The following DDR2 variants were observed in gnomAD, a reference collection of about 807,000 sequenced individuals.
The protein encoded by DDR2 is discoidin domain receptor tyrosine kinase 2.
Under a neutral mutation model 94.9 loss-of-function variants are expected in DDR2, and 27 were observed. The observed-to-expected ratio is 0.28, with a 90% CI of 0.21 to 0.39. The LOEUF is 0.39. DDR2 is among the 10% of genes least tolerant of loss of function. The pLI is 1.00. For synonymous variants in DDR2, 382 were observed against 377.2 expected (o/e 1.01, Z -0.15); for missense variants, 783 against 1,076.0 (o/e 0.73, Z 3.81).
At chr1:162,736,412 G>T (rs183283954) in intron 3 of DDR2, among the ~76,000 whole-genome samples, 1 of 152,198 alleles carries the variant, frequency 6.6e-6, no homozygotes, top group Non-Finnish European at 1.5e-5. Context: ...ATTTTCAAGG[G>T]TTGTGTGCTC....
At chr1:162,689,195 C>A (rs1280499557) in intron 2 of DDR2, among the ~76,000 whole-genome samples, 1 of 152,166 alleles carries the variant, frequency 6.6e-6, no homozygotes, top group African/African-American at 2.4e-5. Flanking sequence ...GAGACAACAG[C>A]ACTCTGTCAT....
intron 14 of DDR2, among the ~76,000 whole-genome samples, chr1:162,774,998 C>T (rs1323213326): frequency 6.6e-6 from 1 of 152,128 alleles, no homozygotes; most frequent in Admixed American, 6.5e-5. Context: ...TACTTTATGA[C>T]CCAAGGGTGT....
rs7355060 is a variant in DDR2, at chr1:162,704,159, G to A, written c.-27-14878G>A. ...AAAAGATATTGGCAAATCTTTTATCGATTTTCTATTCTGGCAGAGGTACCA... is the reference window on the plus strand; with the variant it reads ...AAAAGATATTGGCAAATCTTTTATCAATTTTCTATTCTGGCAGAGGTACCA... On this transcript the variant is annotated intron_variant, in intron 2 of 17. Coordinates refer to ENST00000367921, the MANE Select transcript of DDR2 (RefSeq NM_006182.4). 5.1e-3 allele frequency among the ~76,000 whole-genome samples: 780 copies of A among 152,282 alleles called. 4 individuals are homozygous for A. Among genetic ancestry groups the A allele is most frequent in the African/African-American group, 0.018 (735 of 41,550 alleles).
chr1:162,754,479 G>A, intron 4 of DDR2, 145 bp from the exon 5 acceptor site: 2 of 770,394 alleles, frequency 2.6e-6, no homozygotes, highest in Non-Finnish European at 4.5e-6. Context: ...TGTGGTGGCA[G>A]TGAAAACTGT....
At chr1:162,671,570 C>G (rs910785526) in intron 2 of DDR2, among the ~76,000 whole-genome samples, 2 of 152,060 alleles carry the variant, frequency 1.3e-5, no homozygotes, top group Non-Finnish European at 2.9e-5. Flanking sequence ...CTTTCTGTGA[C>G]TCCCCTTTCC....
chr1:162,704,545 G>A (rs1660576438), intron 2 of DDR2, among the ~76,000 whole-genome samples: 2 of 152,146 alleles, frequency 1.3e-5, no homozygotes, highest in South Asian at 4.1e-4. Flanking sequence ...TGGAGGCTAG[G>A]ACGTCCAAGA....
intron 2 of DDR2, among the ~76,000 whole-genome samples, chr1:162,714,026 C>T (rs1230214215): frequency 6.6e-6 from 1 of 152,108 alleles, no homozygotes; most frequent in Admixed American, 6.6e-5. Flanking sequence ...CATTCAACTA[C>T]TGCTTTAATG....
chr1:162,780,057 T>G, intron 17 of DDR2, 55 bp from the exon 18 acceptor site: 3 of 1,606,568 alleles, frequency 1.9e-6, no homozygotes, highest in South Asian at 1.1e-5. Context: ...TCCCCCGTCT[T>G]TGTAATATTC....
intron 7 of DDR2, among the ~76,000 whole-genome samples, chr1:162,759,504 T>A (rs897515151): frequency 6.6e-6 from 1 of 152,226 alleles, no homozygotes; most frequent in African/African-American, 2.4e-5. Flanking sequence ...GTGCAATAAA[T>A]TATAGAAAGC....
At chr1:162,733,928 A>G (rs1662176422) in intron 3 of DDR2, among the ~76,000 whole-genome samples, 1 of 152,216 alleles carries the variant, frequency 6.6e-6, no homozygotes, top group African/African-American at 2.4e-5. Flanking sequence ...TCGTCACATT[A>G]TCTGAATAGA....
chr1:162,726,583 G>A (rs1661676694), intron 3 of DDR2, among the ~76,000 whole-genome samples: 1 of 152,152 alleles, frequency 6.6e-6, no homozygotes, highest in Admixed American at 6.5e-5. Flanking sequence ...GTTGTCAGTA[G>A]GGATAGAGGC....
In DDR2 at chr1:162,773,523, C is replaced by T. The variant is rs1647349092; in HGVS notation, c.1783C>T (p.Leu595=). 6 of 1,614,014 alleles carry T rather than the reference C, an allele frequency of 3.7e-6. No individual in the cohort carries two copies. The highest frequency in any genetic ancestry group is 1.6e-4 in the Middle Eastern group (1 of 6,062). ...MEKFKDKDFA[L]DVSANQPVLV... Reference sequence around the variant, plus strand: ...AAAATTCAAAGACAAAGATTTTGCCCTAGATGTCAGTGCCAACCAGCCTGT... The same window carrying T: ...AAAATTCAAAGACAAAGATTTTGCCTTAGATGTCAGTGCCAACCAGCCTGT... Residue 595 remains leucine, a synonymous_variant, in exon 14 of 18, where the codon CTA becomes TTA. Coordinates refer to ENST00000367921, the MANE Select transcript of DDR2 (RefSeq NM_006182.4).
chr1:162,697,082 A>G (rs1380830255), intron 2 of DDR2, among the ~76,000 whole-genome samples: 1 of 152,118 alleles, frequency 6.6e-6, no homozygotes, highest in Admixed American at 6.5e-5. Context: ...CCTTGAGTCT[A>G]ATCATGATCT....
intron 1 of DDR2, among the ~76,000 whole-genome samples, chr1:162,637,546 A>C (rs1023602853): frequency 2.0e-5 from 3 of 152,142 alleles, no homozygotes; most frequent in African/African-American, 7.2e-5. Context: ...TCAGTTACTC[A>C]ATGTGTATTT....
At chr1:162,683,371 A>G (rs951641446) in intron 2 of DDR2, among the ~76,000 whole-genome samples, 2 of 152,160 alleles carry the variant, frequency 1.3e-5, no homozygotes, top group Admixed American at 1.3e-4. Context: ...GAAAGGAGGA[A>G]ATAAAACTAT....
At chr1:162,636,199 A>G (rs1179082485) in intron 1 of DDR2, among the ~76,000 whole-genome samples, 1 of 152,230 alleles carries the variant, frequency 6.6e-6, no homozygotes, top group Non-Finnish European at 1.5e-5. Flanking sequence ...TATAAACCCC[A>G]GCATTTGGCA....
chr1:162,777,391 A>G (rs1442296877), intron 16 of DDR2, among the ~76,000 whole-genome samples: 2 of 152,036 alleles, frequency 1.3e-5, no homozygotes, highest in African/African-American at 4.8e-5. Flanking sequence ...ATGTGTAGAT[A>G]TATACTATAA....
intron 12 of DDR2, 86 bp downstream of exon 12, chr1:162,770,598 G>A: frequency 2.3e-6 from 3 of 1,309,678 alleles, no homozygotes; most frequent in Non-Finnish European, 3.3e-6. Flanking sequence ...CCAGTTCATT[G>A]CATCTATTTT....
At chr1:162,743,511 G>A (rs1662707840) in intron 3 of DDR2, among the ~76,000 whole-genome samples, 1 of 152,064 alleles carries the variant, frequency 6.6e-6, no homozygotes, top group Non-Finnish European at 1.5e-5. Flanking sequence ...ACTCCACCCT[G>A]CAGTCCCTTT....
Sources: gnomAD v4.1 joint callset for allele counts (sites outside exome capture counted in the v4.1 genomes callset) on GRCh38, gnomAD v4.1.1 for gene constraint, MANE v1.5 for transcripts, NCBI Gene and HGNC (gene_info 2026-07-23, HGNC 2026-07-21) for gene names.